The following STON1 variants were observed in gnomAD, a reference collection of about 807,000 sequenced individuals.
STON1 encodes stonin-1.
A neutral mutation model predicts 60.9 loss-of-function variants in STON1; 79 were observed. The ratio of observed to expected loss-of-function variants is 1.30; its 90% CI spans 1.08 to 1.56. The LOEUF is 1.56. Ranked by LOEUF, STON1 falls within the 40% of genes most tolerant of loss-of-function variation. STON1 has a pLI of 0.00. For synonymous variants in STON1, 363 were observed against 306.9 expected (o/e 1.18, Z -1.91); for missense variants, 1,166 against 858.9 (o/e 1.36, Z -4.47).
chr2:48,558,083 C>T (rs990012236), intron 1 of STON1, among the ~76,000 whole-genome samples: 4 of 152,064 alleles, frequency 2.6e-5, no homozygotes, highest in African/African-American at 4.8e-5. Context: ...ATTAGCTGGG[C>T]TTGGTGGCAC....
intron 1 of STON1, among the ~76,000 whole-genome samples, chr2:48,573,207 G>A (rs1673307622): frequency 6.6e-6 from 1 of 152,174 alleles, no homozygotes; most frequent in African/African-American, 2.4e-5. Context: ...AGATCTCAGG[G>A]ACTTTCATTT....
intron 1 of STON1, among the ~76,000 whole-genome samples, chr2:48,540,558 C>T (rs1671611446): frequency 6.6e-6 from 1 of 152,084 alleles, no homozygotes; most frequent in African/African-American, 2.4e-5. Context: ...GGGCTGTGCC[C>T]CTTTCCTCAT....
intron 1 of STON1, among the ~76,000 whole-genome samples, chr2:48,536,134 A>G (rs1426709277): frequency 1.3e-5 from 2 of 152,028 alleles, no homozygotes; most frequent in African/African-American, 2.4e-5. Context: ...AGGATTTGTG[A>G]TTACCCAGTG....
Position 48,530,211 on chromosome 2 carries a change from C to G in STON1, c.-53C>G. On this transcript the variant is annotated 5_prime_UTR_variant, in exon 1 of 4. Coordinates refer to ENST00000404752, the MANE Select transcript of STON1 (RefSeq NM_006873.4). ...GGCCAGAATCGGAGCCCCAACCGCG[C>G]TGCCGGTGAGTGACCAGCCCCAGGG... 2.5e-6 allele frequency: 1 copy of G among 405,968 alleles called. No individual in the cohort carries two copies. The highest frequency in any genetic ancestry group is 1.9e-5 in the South Asian group (1 of 53,892). The allele number at this position is 405,968 out of a possible 1,614,324, so 25.1% of individuals were successfully genotyped here.
intron 1 of STON1, 165 bp downstream of exon 1, chr2:48,530,381 C>G (rs1316438073): frequency 8.1e-6 from 2 of 248,038 alleles, no homozygotes; most frequent in Non-Finnish European, 1.6e-5. Context: ...CTGGCCGCCC[C>G]CAGGGGCGCC....
Position 48,530,182 on chromosome 2 carries a change from C to G in STON1, c.-82C>G. The G allele has an allele frequency of 2.5e-6, 1 of 398,098 alleles. No individual in the cohort carries two copies. The highest frequency in any genetic ancestry group is 1.8e-5 in the South Asian group (1 of 54,748). 24.7% of individuals were successfully genotyped at this position (398,098 alleles called of 1,614,324 possible). On this transcript the variant is annotated 5_prime_UTR_variant, in exon 1 of 4. Coordinates refer to ENST00000404752, the MANE Select transcript of STON1 (RefSeq NM_006873.4). ...TTCCTCCGCCTCCTGGTGTGGCTGG[C>G]TGCGGCCAGAATCGGAGCCCCAACC...
rs540623661 is a variant in STON1 at position 48,587,461 on chromosome 2, T to A, written c.1931-4192T>A. Among the ~76,000 whole-genome samples the A allele has an allele frequency of 2.6e-5, 4 of 152,100 alleles. No individual in the cohort carries two copies. In the East Asian group the frequency reaches 7.7e-4, roughly 29 times the overall value. ...GTGCGCACCACCACGCCTGGCTAAT[T>A]TTCGTGTTTTTAGTAGAGATGGGGT... On this transcript the variant is annotated intron_variant, in intron 2 of 3. Coordinates refer to ENST00000404752, the MANE Select transcript of STON1 (RefSeq NM_006873.4).
At chr2:48,563,979 G>A (rs1672720546) in intron 1 of STON1, among the ~76,000 whole-genome samples, 1 of 151,902 alleles carries the variant, frequency 6.6e-6, no homozygotes. Context: ...GATTACAGGT[G>A]TGAGCCACCA....
At chr2:48,568,694 G>A (rs1380763948) in intron 1 of STON1, among the ~76,000 whole-genome samples, 5 of 152,164 alleles carry the variant, frequency 3.3e-5, no homozygotes, top group Non-Finnish European at 2.9e-5. Flanking sequence ...GAAATAGGGC[G>A]AGCTGAGTTA....
At chr2:48,535,674 A>G (rs1671396928) in intron 1 of STON1, among the ~76,000 whole-genome samples, 1 of 152,072 alleles carries the variant, frequency 6.6e-6, no homozygotes, top group South Asian at 2.1e-4. Context: ...TCATTTTATT[A>G]TAATCTGCCT....
chr2:48,545,525 C>T (rs1209691199), intron 1 of STON1, among the ~76,000 whole-genome samples: 1 of 152,320 alleles, frequency 6.6e-6, no homozygotes, highest in Middle Eastern at 3.4e-3. Flanking sequence ...ATGATTCTTT[C>T]GAGGGCTGCC....
intron 1 of STON1, among the ~76,000 whole-genome samples, chr2:48,564,468 T>TCC (rs1672771907): frequency 1.8e-5 from 1 of 54,816 alleles, no homozygotes; most frequent in African/African-American, 7.2e-5. Flanking sequence ...CTTCTTCTTC[T>TCC]TCTTCTTCTT....
intron 1 of STON1, among the ~76,000 whole-genome samples, chr2:48,576,346 C>A (rs1407974622): frequency 6.6e-6 from 1 of 151,482 alleles, no homozygotes; most frequent in African/African-American, 2.4e-5. Context: ...CCCACCACCA[C>A]ACCCAGCTAA....
chr2:48,558,422 G>T (rs1489050016), intron 1 of STON1, among the ~76,000 whole-genome samples: 1 of 152,168 alleles, frequency 6.6e-6, no homozygotes, highest in African/African-American at 2.4e-5. Context: ...TGAGCATGAT[G>T]GTCAGCAACA....
chr2:48,577,858 C>T (rs141203779), intron 1 of STON1, among the ~76,000 whole-genome samples: 114 of 151,902 alleles, frequency 7.5e-4, no homozygotes, highest in African/African-American at 2.6e-3. Context: ...TCAGGTGATC[C>T]GTCCACCTCG....
chr2:48,554,696 T>G lies in STON1; in HGVS notation c.-48+24480T>G, dbSNP rs1011719289. The stretch of plus-strand genomic sequence containing the variant: ...CCACGTATGCGTTTCTACTCAAACT[T>G]TAAGTGCAAAATTTTTTTTTTTTTT... On this transcript the variant is annotated intron_variant, in intron 1 of 3. Coordinates refer to ENST00000404752, the MANE Select transcript of STON1 (RefSeq NM_006873.4). Among the ~76,000 whole-genome samples the G allele has an allele frequency of 1.6e-4, 24 of 149,000 alleles. 1 individual carries two copies. The highest frequency in any genetic ancestry group is 5.5e-4 in the African/African-American group (22 of 39,832).
intron 1 of STON1, among the ~76,000 whole-genome samples, chr2:48,577,134 G>C (rs1293372831): frequency 6.6e-6 from 1 of 151,644 alleles, no homozygotes; most frequent in African/African-American, 2.4e-5. Context: ...TTTTTACTCT[G>C]TTGATTGTTT....
At chr2:48,565,045 CTTTTTTTTTTT>C (rs35791710) in intron 1 of STON1, among the ~76,000 whole-genome samples, 2 of 86,502 alleles carry the variant, frequency 2.3e-5, no homozygotes, top group Non-Finnish European at 4.3e-5. Context: ...CCGGCTTCTT[CTTTTTTTTTTT>C]TTTTTTTTTT....
intron 1 of STON1, among the ~76,000 whole-genome samples, chr2:48,537,098 C>T (rs1419329504): frequency 6.6e-6 from 1 of 152,176 alleles, no homozygotes; most frequent in East Asian, 1.9e-4. Context: ...GTGACTCCTA[C>T]ATCTTTTTCT....
Sources: gnomAD v4.1 joint callset for allele counts (sites outside exome capture counted in the v4.1 genomes callset) on GRCh38, gnomAD v4.1.1 for gene constraint, MANE v1.5 for transcripts, NCBI Gene and HGNC (gene_info 2026-07-23, HGNC 2026-07-21) for gene names.